Variants in RIMBP2 observed in about 807,000 individuals in gnomAD.
RIMBP2 encodes the protein RIMS binding protein 2.
In RIMBP2, 48 loss-of-function variants were observed where a neutral mutation model predicts 118.6. That is an observed-to-expected ratio of 0.40 (90% CI 0.32 to 0.51). The LOEUF is 0.51. Ranked by LOEUF, RIMBP2 falls within the 20% of genes least tolerant of loss-of-function variation. The pLI is 0.41. For synonymous variants in RIMBP2, 762 were observed against 742.9 expected (o/e 1.03, Z -0.42); for missense variants, 1,551 against 1,768.3 (o/e 0.88, Z 2.20).
chr12:130,532,441 AG>A (rs2053535440), intron 2 of RIMBP2, among the ~76,000 whole-genome samples: 1 of 150,838 alleles, frequency 6.6e-6, no homozygotes, highest in African/African-American at 2.4e-5. Context: ...AGCCTCTAGG[AG>A]GGACGTCTAA....
chr12:130,603,755 T>C (rs939988402), intron 2 of RIMBP2, among the ~76,000 whole-genome samples: 2 of 152,172 alleles, frequency 1.3e-5, no homozygotes, highest in African/African-American at 4.8e-5. Context: ...GCACAGTGCA[T>C]GACTCATGTG....
At chr12:130,626,664 A>G (rs896250826) in intron 2 of RIMBP2, among the ~76,000 whole-genome samples, 1 of 150,164 alleles carries the variant, frequency 6.7e-6, no homozygotes, top group African/African-American at 2.5e-5. Flanking sequence ...CACCATGACT[A>G]CCAGTCATCA....
chr12:130,584,900 T>A (rs2058782352), intron 2 of RIMBP2, among the ~76,000 whole-genome samples: 1 of 130,744 alleles, frequency 7.6e-6, no homozygotes, highest in Admixed American at 8.5e-5. Flanking sequence ...TGTTCCATTC[T>A]TTTTTTTTGA....
rs1297473380 is a variant in RIMBP2 at position 130,642,267 on chromosome 12, G to A, written c.-351-13811C>T. The stretch of plus-strand genomic sequence containing the variant: ...GCCCTGGCTCCGGCTGGGACTCTGG[G>A]TTTAGTTTAGTTTTGTTTTGTTTTG... On this transcript the variant is annotated intron_variant, in intron 1 of 22. Coordinates refer to ENST00000690449, the MANE Select transcript of RIMBP2 (RefSeq NM_001393629.1). 3.8e-5 allele frequency among the ~76,000 whole-genome samples: 5 copies of A among 132,352 alleles called. No homozygotes were observed. The Admixed American group carries it at 4.0e-4, about 11-fold the overall frequency. 86.8% of individuals were successfully genotyped at this position (132,352 alleles called of 152,430 possible). A position where few individuals can be genotyped will look rare whatever the true frequency, so the allele number is the denominator to read the frequency against.
At chr12:130,479,284 T>G (rs1487931086) in intron 4 of RIMBP2, among the ~76,000 whole-genome samples, 1 of 152,232 alleles carries the variant, frequency 6.6e-6, no homozygotes, top group Non-Finnish European at 1.5e-5. Flanking sequence ...CAGAACTCTG[T>G]CCTCATGCAA....
At chr12:130,668,461 G>A (rs981106442) in intron 1 of RIMBP2, 1 of 152,404 alleles carries the variant, frequency 6.6e-6, no homozygotes, top group Non-Finnish European at 1.5e-5. Flanking sequence ...TGCACCTGAG[G>A]AGCTGCGAGG....
chr12:130,534,496 C>T lies in RIMBP2; in HGVS notation c.-216-16579G>A, dbSNP rs141623544. Among the ~76,000 whole-genome samples, 415 of 152,324 alleles carry T rather than the reference C, an allele frequency of 2.7e-3. 1 individual carries two copies. The highest frequency in any genetic ancestry group is 0.01 in the Middle Eastern group (3 of 294). Reference sequence around the variant, plus strand: ...CTGGTTATGCTAGAAGCTCAGGCTTCACTACACAATATATCCATGTAGCAA... The same window carrying T: ...CTGGTTATGCTAGAAGCTCAGGCTTTACTACACAATATATCCATGTAGCAA... On this transcript the variant is annotated intron_variant, in intron 2 of 22. Coordinates refer to ENST00000690449, the MANE Select transcript of RIMBP2 (RefSeq NM_001393629.1).
At position 130,615,840 on chromosome 12, in the gene RIMBP2, TG is replaced by T. The variant is rs2060895851; in HGVS notation, c.-217+12481del. On this transcript the variant is annotated intron_variant, in intron 2 of 22. Transcript: ENST00000690449. ...ATGAACAGTGACAGGCATTTTCCTG[TG>T]GTGGTTGGCACCGGTTTCAAACGTC... Among the ~76,000 whole-genome samples the T allele has an allele frequency of 2.0e-5, 3 of 152,288 alleles. No individual in the cohort carries two copies. The South Asian group carries it at 6.2e-4, about 32-fold the overall frequency.
At chr12:130,485,710 A>G (rs1186383295) in intron 4 of RIMBP2, among the ~76,000 whole-genome samples, 1 of 152,202 alleles carries the variant, frequency 6.6e-6, no homozygotes, top group Non-Finnish European at 1.5e-5. Flanking sequence ...CTCGCTAGGT[A>G]GATTCACCAG....
At chr12:130,614,447 C>T (rs555666184) in intron 2 of RIMBP2, among the ~76,000 whole-genome samples, 9 of 152,220 alleles carry the variant, frequency 5.9e-5, no homozygotes, top group South Asian at 4.2e-4. Context: ...TAACAGACAG[C>T]GCTGGGGTAT....
chr12:130,478,800 G>C (rs867039988), intron 5 of RIMBP2, 112 bp downstream of exon 5: 9 of 698,178 alleles, frequency 1.3e-5, no homozygotes, highest in Non-Finnish European at 2.0e-5. Context: ...GCAGAGAGAG[G>C]GAGCGGCCTG....
chr12:130,431,461 G>C lies in RIMBP2; in HGVS notation c.2254-3124C>G. 2.5e-6 allele frequency: 1 copy of C among 398,636 alleles called. No homozygotes were observed. Among genetic ancestry groups the C allele is most frequent in the Non-Finnish European group, 5.2e-6 (1 of 192,576 alleles). The allele number at this position is 398,636 out of a possible 1,614,324, so 24.7% of individuals were successfully genotyped here. ...GCCAGACGCCATCTGTATGATTAAT[G>C]AATGTATTCTTTGAATTGAATCAAT... On this transcript the variant is annotated intron_variant, in intron 14 of 22. Coordinates refer to ENST00000690449, the MANE Select transcript of RIMBP2 (RefSeq NM_001393629.1). The surrounding 1 kb of genome is among the most constrained non-coding windows in gnomAD (Gnocchi z 4.0).
chr12:130,427,051 A>T (rs2076838565), intron 15 of RIMBP2: 1 of 152,314 alleles, frequency 6.6e-6, no homozygotes, highest in Non-Finnish European at 1.5e-5. Context: ...GGGTTTGCAT[A>T]GGGATCTGGC....
At chr12:130,655,003 A>G (rs1404817727) in intron 1 of RIMBP2, among the ~76,000 whole-genome samples, 3 of 152,132 alleles carry the variant, frequency 2.0e-5, no homozygotes, top group Non-Finnish European at 4.4e-5. Flanking sequence ...CCGTGACCCA[A>G]ACACCTCCCA....
chr12:130,409,555 A>C (rs914372470), intron 19 of RIMBP2, among the ~76,000 whole-genome samples: 1 of 152,076 alleles, frequency 6.6e-6, no homozygotes, highest in South Asian at 2.1e-4. Context: ...CGTGTTAGCC[A>C]GGATGTTTCA....
chr12:130,639,402 T>C (rs1273861561), intron 1 of RIMBP2, among the ~76,000 whole-genome samples: 4 of 106,366 alleles, frequency 3.8e-5, no homozygotes, highest in Non-Finnish European at 2.0e-5. Context: ...AAAAAATCTA[T>C]TGGCCAGGTG....
chr12:130,544,435 A>G (rs1374008975), intron 2 of RIMBP2, among the ~76,000 whole-genome samples: 1 of 152,110 alleles, frequency 6.6e-6, no homozygotes, highest in African/African-American at 2.4e-5. Context: ...GACAACCAGC[A>G]AGACTGCCGT....
At chr12:130,610,636 C>G (rs1222583747) in intron 2 of RIMBP2, among the ~76,000 whole-genome samples, 1 of 143,568 alleles carries the variant, frequency 7.0e-6, no homozygotes, top group Non-Finnish European at 1.5e-5. Flanking sequence ...TCTCGGCTCA[C>G]TGCAAGCTCC....
chr12:130,676,920 AGC>A (rs1232413161), intron 1 of RIMBP2, among the ~76,000 whole-genome samples: 52 of 152,254 alleles, frequency 3.4e-4, no homozygotes, highest in African/African-American at 1.2e-3. Flanking sequence ...GACGGGAAAA[AGC>A]CTGTGGCTTA....
Sources: allele counts gnomAD v4.1 joint callset (sites outside exome capture counted in the v4.1 genomes callset), GRCh38; gene constraint gnomAD v4.1.1; non-coding constraint Gnocchi (gnomAD v3.1); transcripts MANE v1.5; gene names NCBI Gene and HGNC (gene_info 2026-07-23, HGNC 2026-07-21).